DENND4C: variants seen among roughly 807,000 people sequenced by gnomAD.
DENND4C encodes the protein DENN domain-containing protein 4C.
In DENND4C, 108 loss-of-function variants were observed where a neutral mutation model predicts 203.0. The ratio of observed to expected loss-of-function variants is 0.53; its 90% CI spans 0.46 to 0.62. The LOEUF is 0.62. Ranked by LOEUF, DENND4C falls within the 20% of genes least tolerant of loss-of-function variation. The pLI is 0.00. For synonymous variants in DENND4C, 871 were observed against 792.4 expected (o/e 1.10, Z -1.67); for missense variants, 2,481 against 2,301.2 (o/e 1.08, Z -1.60).
intron 20 of DENND4C, among the ~76,000 whole-genome samples, chr9:19,338,346 C>G (rs939736442): frequency 4.0e-5 from 6 of 151,892 alleles, no homozygotes; most frequent in Non-Finnish European, 5.9e-5. Context: ...CCCCTTATTC[C>G]TTCAGATTTT....
intron 12 of DENND4C, among the ~76,000 whole-genome samples, chr9:19,318,623 T>C (rs1842232650): frequency 6.6e-6 from 1 of 152,178 alleles, no homozygotes; most frequent in Admixed American, 6.5e-5. Context: ...GTTTTGGAGG[T>C]TAAACTGAGA....
chr9:19,280,887 A>G (rs1285279016), intron 2 of DENND4C, among the ~76,000 whole-genome samples: 1 of 151,874 alleles, frequency 6.6e-6, no homozygotes, highest in African/African-American at 2.4e-5. Flanking sequence ...ACTACAGGCA[A>G]GCACCACCAT....
chr9:19,354,549 C>CT (rs66823332), intron 26 of DENND4C, among the ~76,000 whole-genome samples: 10,610 of 87,464 alleles, frequency 0.12, 957 homozygotes, highest in African/African-American at 0.17. Flanking sequence ...TTATTCTAGC[C>CT]TTTTTTTTTT....
chr9:19,315,772 C>G (rs1434262114), intron 10 of DENND4C, among the ~76,000 whole-genome samples: 1 of 151,066 alleles, frequency 6.6e-6, no homozygotes, highest in African/African-American at 2.4e-5. Flanking sequence ...GTAGCGCAAT[C>G]TCGGCTCACT....
intron 1 of DENND4C, among the ~76,000 whole-genome samples, chr9:19,235,355 G>A (rs886660999): frequency 5.9e-5 from 9 of 152,292 alleles, no homozygotes; most frequent in African/African-American, 2.2e-4. Flanking sequence ...ATTGAAACAA[G>A]GTGAAAGGCT....
At chr9:19,328,266 G>A in intron 16 of DENND4C, 104 bp downstream of exon 16, 3 of 1,154,138 alleles carry the variant, frequency 2.6e-6, no homozygotes, top group Non-Finnish European at 2.4e-6. Context: ...ACCATTTGAA[G>A]ACTCACTTTG....
chr9:19,233,631 G>A (rs910915483), intron 1 of DENND4C, among the ~76,000 whole-genome samples: 2 of 147,578 alleles, frequency 1.4e-5, no homozygotes, highest in African/African-American at 5.0e-5. Flanking sequence ...TGTGATCTCG[G>A]CTCACTGCAG....
chr9:19,352,019 C>T, intron 24 of DENND4C, 54 bp from the exon 25 acceptor site: 1 of 1,502,482 alleles, frequency 6.7e-7, no homozygotes, highest in Non-Finnish European at 9.2e-7. Context: ...CATGCATTTT[C>T]AAAAAACAAG....
chr9:19,370,984 TCA>T (rs924995132), intron 31 of DENND4C, among the ~76,000 whole-genome samples: 14 of 152,344 alleles, frequency 9.2e-5, no homozygotes, highest in African/African-American at 3.4e-4. Flanking sequence ...ATGACCTTCT[TCA>T]CAGTCTGTAA....
Position 19,374,133 on chromosome 9 carries a change from T to C in DENND4C, c.*1960T>C, listed in dbSNP as rs994836106. Among the ~76,000 whole-genome samples, 1 of 152,222 alleles carries C rather than the reference T, an allele frequency of 6.6e-6. No homozygotes were observed. Among genetic ancestry groups the C allele is most frequent in the Non-Finnish European group, 1.5e-5 (1 of 68,040 alleles). ...TGAATAAAATGAAAAATTGTTGTTT[T>C]CTGTTACATTAAGCCTCTTGAAATC... On this transcript the variant is annotated 3_prime_UTR_variant, in exon 33 of 33. Coordinates refer to ENST00000434457, the MANE Select transcript of DENND4C (RefSeq NM_001330640.2).
At chr9:19,255,091 A>G (rs1468968823) in intron 1 of DENND4C, among the ~76,000 whole-genome samples, 1 of 152,086 alleles carries the variant, frequency 6.6e-6, no homozygotes, top group East Asian at 1.9e-4. Context: ...GGTTGCAGTG[A>G]GCCAAGATTG....
At chr9:19,340,391 T>C (rs73645602) in intron 20 of DENND4C, among the ~76,000 whole-genome samples, 2,166 of 152,314 alleles carry the variant, frequency 0.014, 47 homozygotes, top group African/African-American at 0.048. Context: ...TCAGTGTGAT[T>C]ATGTTATTCA....
intron 12 of DENND4C, among the ~76,000 whole-genome samples, chr9:19,323,530 G>A (rs1843237419): frequency 6.6e-6 from 1 of 152,110 alleles, no homozygotes; most frequent in Non-Finnish European, 1.5e-5. Context: ...GAAAGGAGGA[G>A]ACCTTGAATC....
intron 1 of DENND4C, among the ~76,000 whole-genome samples, chr9:19,252,665 A>G (rs1397169129): frequency 1.3e-5 from 2 of 152,048 alleles, no homozygotes; most frequent in Middle Eastern, 3.4e-3. Flanking sequence ...ATTGGCTCAC[A>G]TATCTTTATT....
At chr9:19,255,799 T>A (rs1365476359) in intron 1 of DENND4C, among the ~76,000 whole-genome samples, 1 of 152,230 alleles carries the variant, frequency 6.6e-6, no homozygotes, top group Non-Finnish European at 1.5e-5. Flanking sequence ...ATTCTCGTAC[T>A]AGTTGATAGC....
intron 15 of DENND4C, among the ~76,000 whole-genome samples, 186 bp downstream of exon 15, chr9:19,326,380 A>G (rs937864234): frequency 6.6e-6 from 1 of 152,188 alleles, no homozygotes; most frequent in Non-Finnish European, 1.5e-5. Flanking sequence ...TGGTATTGTC[A>G]GATGTTGATC....
chr9:19,295,571 A>T (rs1837274356), intron 5 of DENND4C, among the ~76,000 whole-genome samples: 1 of 149,722 alleles, frequency 6.7e-6, no homozygotes, highest in Admixed American at 6.7e-5. Flanking sequence ...GCTACTCGGG[A>T]GGCTGAAGCA....
chr9:19,233,591 C>G (rs573180880), intron 1 of DENND4C, among the ~76,000 whole-genome samples: 2 of 124,124 alleles, frequency 1.6e-5, no homozygotes, highest in African/African-American at 6.1e-5. Context: ...GATGTAGTCT[C>G]GCTTCGTCAC....
Position 19,373,545 on chromosome 9 carries a change from A to G in DENND4C, c.*1372A>G, listed in dbSNP as rs1829183064. 6.6e-6 allele frequency: 1 copy of G among 152,612 alleles called. No individual in the cohort carries two copies. Among genetic ancestry groups the G allele is most frequent in the Non-Finnish European group, 1.5e-5 (1 of 68,038 alleles). The allele number at this position is 152,612 out of a possible 1,614,324, so 9.5% of individuals were successfully genotyped here. A position where few individuals can be genotyped will look rare whatever the true frequency, so the allele number is the denominator to read the frequency against. On this transcript the variant is annotated 3_prime_UTR_variant, in exon 33 of 33. Coordinates refer to ENST00000434457, the MANE Select transcript of DENND4C (RefSeq NM_001330640.2). ...TGTGAGTAAAAATGTGCATTTGTAA[A>G]TACTGTGTTTTTAGGTTGAATCAAT...
Sources: allele counts gnomAD v4.1 joint callset (sites outside exome capture counted in the v4.1 genomes callset), GRCh38; gene constraint gnomAD v4.1.1; transcripts MANE v1.5; gene names NCBI Gene and HGNC (gene_info 2026-07-23, HGNC 2026-07-21).